The following INSC variants were observed in gnomAD, a reference collection of about 807,000 sequenced individuals.
INSC encodes protein inscuteable homolog.
Under a neutral mutation model 58.6 loss-of-function variants are expected in INSC, and 67 were observed. The ratio of observed to expected loss-of-function variants is 1.14; its 90% CI spans 0.94 to 1.40. The LOEUF is 1.40. Ranked by LOEUF, INSC falls within the 40% of genes most tolerant of loss-of-function variation. The pLI, the probability that INSC is intolerant of heterozygous loss-of-function variation, is 0.00. For missense variants in INSC, 714 were observed against 692.0 expected (o/e 1.03, Z -0.36); for synonymous variants, 262 against 276.1 (o/e 0.95, Z 0.51).
the INSC span, among the ~76,000 whole-genome samples, chr11:15,258,183 G>T: frequency 5.0e-4 from 76 of 152,240 alleles, no homozygotes; most frequent in African/African-American, 1.7e-3. Context: ...GAATCAAAAA[G>T]ATATTCAGAG....
chr11:15,265,423 A>C, the INSC span, among the ~76,000 whole-genome samples: 27 of 152,090 alleles, frequency 1.8e-4, no homozygotes, highest in African/African-American at 6.3e-4. Context: ...CAATAAGATC[A>C]TCTAGTGTTC....
intron 9 of INSC, among the ~76,000 whole-genome samples, chr11:15,230,001 A>G (rs1163856849): frequency 1.1e-3 from 29 of 25,304 alleles, no homozygotes; most frequent in African/African-American, 4.3e-3. Context: ...ATATATATAT[A>G]TATATATATA....
intron 1 of INSC, among the ~76,000 whole-genome samples, chr11:15,141,221 T>A (rs1848363416): frequency 6.6e-6 from 1 of 152,168 alleles, no homozygotes; most frequent in Non-Finnish European, 1.5e-5. Context: ...CTTAGCCCTG[T>A]CAAGTTGATG....
At chr11:15,124,919 A>T (rs917657825) in intron 1 of INSC, among the ~76,000 whole-genome samples, 4 of 152,172 alleles carry the variant, frequency 2.6e-5, no homozygotes, top group African/African-American at 9.7e-5. Context: ...GCACCTACCT[A>T]GTAGGTGCCA....
intron 2 of INSC, among the ~76,000 whole-genome samples, chr11:15,150,225 G>T (rs1307964490): frequency 1.3e-5 from 2 of 152,136 alleles, no homozygotes; most frequent in African/African-American, 4.8e-5. Flanking sequence ...GCTTATGCAT[G>T]GTCCACATAC....
intron 5 of INSC, among the ~76,000 whole-genome samples, 169 bp from the exon 6 acceptor site, chr11:15,190,532 A>G (rs1248893004): frequency 6.6e-6 from 1 of 152,144 alleles, no homozygotes; most frequent in African/African-American, 2.4e-5. Flanking sequence ...CCTGACTGAT[A>G]CCTTTCCCAA....
At chr11:15,120,271 C>T (rs559140543) in intron 1 of INSC, among the ~76,000 whole-genome samples, 37 of 152,218 alleles carry the variant, frequency 2.4e-4, no homozygotes, top group Admixed American at 1.8e-3. Flanking sequence ...CTGTGCAAGG[C>T]GCTGGGGGTA....
chr11:15,245,733 A>C (rs1467560358), intron 12 of INSC, among the ~76,000 whole-genome samples, 179 bp from the exon 13 acceptor site: 1 of 152,238 alleles, frequency 6.6e-6, no homozygotes, highest in Non-Finnish European at 1.5e-5. Flanking sequence ...TGTGGTTGCT[A>C]TGTTGACCAG....
chr11:15,145,023 G>A (rs1286879978), intron 1 of INSC, among the ~76,000 whole-genome samples: 1 of 152,172 alleles, frequency 6.6e-6, no homozygotes, highest in African/African-American at 2.4e-5. Flanking sequence ...GATAGGTGAT[G>A]GAGGGATTTC....
chr11:15,199,146 GCAGTCTT>G (rs1850481577), intron 6 of INSC, among the ~76,000 whole-genome samples: 1 of 152,152 alleles, frequency 6.6e-6, no homozygotes, highest in Non-Finnish European at 1.5e-5. Context: ...CGGGACTGAA[GCAGTCTT>G]GCTCAGTGTC....
intron 5 of INSC, among the ~76,000 whole-genome samples, chr11:15,183,455 G>GTA (rs1316022737): frequency 6.6e-6 from 1 of 151,398 alleles, no homozygotes; most frequent in Non-Finnish European, 1.5e-5. Context: ...GTGTGTGTGT[G>GTA]TGTATGTGTG....
At chr11:15,143,154 C>T (rs1329925903) in intron 1 of INSC, among the ~76,000 whole-genome samples, 2 of 152,174 alleles carry the variant, frequency 1.3e-5, no homozygotes, top group Non-Finnish European at 2.9e-5. Context: ...AGTCCCTGCT[C>T]CCCACCTTCG....
intron 7 of INSC, among the ~76,000 whole-genome samples, chr11:15,212,089 A>AT (rs1447401802): frequency 6.6e-6 from 1 of 152,090 alleles, no homozygotes; most frequent in Non-Finnish European, 1.5e-5. Context: ...AAAAATTTAA[A>AT]TTTTTGGAAA....
intron 6 of INSC, among the ~76,000 whole-genome samples, chr11:15,196,644 G>A (rs1850381894): frequency 6.6e-6 from 1 of 152,190 alleles, no homozygotes. Context: ...TGAGCTTTCT[G>A]AAGTGATCAA....
intron 7 of INSC, among the ~76,000 whole-genome samples, chr11:15,203,696 G>C (rs1850684801): frequency 6.6e-6 from 1 of 152,160 alleles, no homozygotes; most frequent in Non-Finnish European, 1.5e-5. Flanking sequence ...GTATAACAGT[G>C]AACAAAACAG....
chr11:15,204,128 C>T (rs1385929977), intron 7 of INSC, among the ~76,000 whole-genome samples: 2 of 152,232 alleles, frequency 1.3e-5, no homozygotes, highest in African/African-American at 4.8e-5. Context: ...GGAACAATAA[C>T]TAACATATAT....
intron 7 of INSC, among the ~76,000 whole-genome samples, chr11:15,211,697 C>T (rs773818074): frequency 1.3e-5 from 2 of 152,054 alleles, no homozygotes; most frequent in Non-Finnish European, 2.9e-5. Flanking sequence ...ATATTTCAAC[C>T]TAATTTTAAA....
rs573821727 is a variant in INSC, at chr11:15,238,019, A to G, written c.1238-900A>G. On this transcript the variant is annotated intron_variant, in intron 10 of 12. Coordinates refer to ENST00000379556, the MANE Select transcript of INSC (RefSeq NM_001042536.3). ...TAAGCTGGCAGGAGCCACTGGGTGCAGAAGAGGGGAGTGTGGGATGGGCAG... is the reference window on the plus strand; with the variant it reads ...TAAGCTGGCAGGAGCCACTGGGTGCGGAAGAGGGGAGTGTGGGATGGGCAG... Among the ~76,000 whole-genome samples the G allele has an allele frequency of 1.3e-4, 20 of 152,262 alleles. 1 individual carries two copies. The highest frequency in any genetic ancestry group is 7.7e-4 in the East Asian group (4 of 5,170).
chr11:15,221,513 G>A lies in INSC; in HGVS notation c.856G>A (p.Asp286Asn), dbSNP rs17507577. The change falls in exon 8 of 13, where the codon GAC becomes AAC. Residue 286 changes from aspartate (D) to asparagine (N), a missense_variant. Transcript: ENST00000379556. ...GVLCLADILTDNSHSEATRAE... is the reference protein window; with the variant it reads ...GVLCLADILTNNSHSEATRAE... ...TCTGTGCTTGGCCGACATCCTGACC[G>A]ACAACAGCCACTCAGAGGCCACACG... 115,068 of 1,613,214 alleles carry A rather than the reference G, an allele frequency of 0.071. 4,731 individuals carry two copies. Among genetic ancestry groups the A allele is most frequent in the Middle Eastern group, 0.098 (592 of 6,056 alleles).
Sources: allele counts gnomAD v4.1 joint callset (sites outside exome capture counted in the v4.1 genomes callset), GRCh38; gene constraint gnomAD v4.1.1; transcripts MANE v1.5; gene names NCBI Gene and HGNC (gene_info 2026-07-23, HGNC 2026-07-21).